The following FRY variants were observed in gnomAD, a reference collection of about 807,000 sequenced individuals.
The protein encoded by FRY is protein furry homolog.
Under a neutral mutation model 348.4 loss-of-function variants are expected in FRY, and 128 were observed. The ratio of observed to expected loss-of-function variants is 0.37; its 90% CI spans 0.32 to 0.43. FRY has a LOEUF of 0.43. Ranked by LOEUF, FRY falls within the 20% of genes least tolerant of loss-of-function variation. FRY has a pLI of 1.00. For missense variants in FRY, 2,736 were observed against 3,695.2 expected (o/e 0.74, Z 6.73); for synonymous variants, 1,370 against 1,374.7 (o/e 1.00, Z 0.08).
chr13:32,139,750 C>T (rs750788696), intron 11 of FRY, among the ~76,000 whole-genome samples: 11 of 152,098 alleles, frequency 7.2e-5, no homozygotes, highest in Non-Finnish European at 1.3e-4. Flanking sequence ...ACTCTTGGTC[C>T]GTGGTGACCA....
At chr13:32,082,786 T>G (rs2138547632) in intron 2 of FRY, among the ~76,000 whole-genome samples, 1 of 152,360 alleles carries the variant, frequency 6.6e-6, no homozygotes, top group South Asian at 2.1e-4. Flanking sequence ...TGTGTTGCCT[T>G]ATCATTGCTG....
chr13:32,156,333 C>T (rs996930206), intron 15 of FRY, among the ~76,000 whole-genome samples: 8 of 152,120 alleles, frequency 5.3e-5, no homozygotes, highest in African/African-American at 1.9e-4. Flanking sequence ...ATAGGTTGGG[C>T]GCAGTGGCTC....
chr13:32,204,318 CAGATG>C (rs1160887), intron 31 of FRY, among the ~76,000 whole-genome samples: 61,465 of 151,660 alleles, frequency 0.41, 12,590 homozygotes, highest in Admixed American at 0.42. Context: ...CATTGTTTTA[CAGATG>C]AGATGAGAAA....
At chr13:32,043,708 CA>C (rs1351754465) in intron 1 of FRY, among the ~76,000 whole-genome samples, 1 of 152,172 alleles carries the variant, frequency 6.6e-6, no homozygotes, top group Non-Finnish European at 1.5e-5. Flanking sequence ...TGTCAAAAAG[CA>C]GCGGCAAAGT....
At chr13:32,076,445 C>T (rs999905651) in intron 1 of FRY, among the ~76,000 whole-genome samples, 3 of 152,186 alleles carry the variant, frequency 2.0e-5, no homozygotes, top group African/African-American at 7.2e-5. Flanking sequence ...CCTACTTCCA[C>T]AAGGTGCCTG....
At chr13:32,060,163 A>C (rs1468279692) in intron 1 of FRY, among the ~76,000 whole-genome samples, 1 of 152,240 alleles carries the variant, frequency 6.6e-6, no homozygotes, top group Non-Finnish European at 1.5e-5. Flanking sequence ...ATAAATTTTC[A>C]CTGACCCTCA....
intron 1 of FRY, among the ~76,000 whole-genome samples, chr13:32,036,650 G>C (rs1034771061): frequency 6.6e-6 from 1 of 151,908 alleles, no homozygotes; most frequent in Non-Finnish European, 1.5e-5. Flanking sequence ...GGTGCAAACC[G>C]GGACTGCCCT....
chr13:32,086,589 C>T (rs569653515), intron 2 of FRY, among the ~76,000 whole-genome samples: 1 of 152,028 alleles, frequency 6.6e-6, no homozygotes, highest in South Asian at 2.1e-4. Flanking sequence ...GCCAGGAATT[C>T]CATCTGGATC....
At chr13:32,061,962 G>A (rs941532379) in intron 1 of FRY, among the ~76,000 whole-genome samples, 1 of 151,972 alleles carries the variant, frequency 6.6e-6, no homozygotes, top group African/African-American at 2.4e-5. Flanking sequence ...AGTGGTAAAG[G>A]CACAACATAT....
chr13:32,176,561 A>G (rs1316175626), intron 20 of FRY, among the ~76,000 whole-genome samples: 2 of 152,238 alleles, frequency 1.3e-5, no homozygotes, highest in Non-Finnish European at 2.9e-5. Context: ...CAGGTACTGC[A>G]GACCTTAACA....
chr13:32,109,388 A>T (rs2138663467), intron 3 of FRY, among the ~76,000 whole-genome samples: 1 of 152,304 alleles, frequency 6.6e-6, no homozygotes, highest in South Asian at 2.1e-4. Context: ...TAAACGCTAT[A>T]ATAGAGGTTG....
chr13:32,067,164 T>C (rs540050560), intron 1 of FRY, among the ~76,000 whole-genome samples: 2 of 152,294 alleles, frequency 1.3e-5, no homozygotes, highest in East Asian at 3.9e-4. Flanking sequence ...GATGCCTCTC[T>C]GTACCTGCCA....
intron 1 of FRY, among the ~76,000 whole-genome samples, chr13:32,043,564 C>T (rs1330133703): frequency 6.6e-6 from 1 of 152,122 alleles, no homozygotes; most frequent in Non-Finnish European, 1.5e-5. Flanking sequence ...CTAGGATAAA[C>T]ACTATATTAT....
chr13:32,051,211 T>C (rs749491756), intron 1 of FRY, among the ~76,000 whole-genome samples: 3 of 152,166 alleles, frequency 2.0e-5, no homozygotes, highest in African/African-American at 4.8e-5. Context: ...TTCCCTTTTA[T>C]TTGGTTAAGG....
chr13:32,162,355 A>G (rs1593683624), intron 17 of FRY, among the ~76,000 whole-genome samples: 1 of 152,104 alleles, frequency 6.6e-6, no homozygotes, highest in South Asian at 2.1e-4. Flanking sequence ...TTTCCCATCA[A>G]TATTCAAATA....
chr13:32,140,625 T>C (rs1291723898), intron 11 of FRY, among the ~76,000 whole-genome samples: 2 of 151,996 alleles, frequency 1.3e-5, no homozygotes, highest in Non-Finnish European at 2.9e-5. Context: ...ATAACTACTC[T>C]AAAGAAAACC....
At chr13:32,090,099 A>G (rs1401960153) in intron 2 of FRY, among the ~76,000 whole-genome samples, 2 of 152,016 alleles carry the variant, frequency 1.3e-5, no homozygotes, top group East Asian at 3.9e-4. Context: ...CTGTAATCCC[A>G]GCACTTTGGG....
rs748833123 is a variant in FRY, at chr13:32,298,604, T to G, written c.*3144T>G. ...CTACGTTGGGTGATGATTAGTGCCATGAAGAACAAAACGGATACAGTGAGT... is the reference window on the plus strand; with the variant it reads ...CTACGTTGGGTGATGATTAGTGCCAGGAAGAACAAAACGGATACAGTGAGT... On this transcript the variant is annotated 3_prime_UTR_variant, in exon 61 of 61. Coordinates refer to ENST00000542859, the MANE Select transcript of FRY (RefSeq NM_023037.3). 3.3e-5 allele frequency: 5 copies of G among 152,198 alleles called. No individual in the cohort carries two copies. Among genetic ancestry groups the G allele is most frequent in the Non-Finnish European group, 7.3e-5 (5 of 68,038 alleles). The allele number at this position is 152,198 out of a possible 1,614,324, so 9.4% of individuals were successfully genotyped here.
At chr13:32,100,900 G>A (rs1187616545) in intron 2 of FRY, among the ~76,000 whole-genome samples, 1 of 152,138 alleles carries the variant, frequency 6.6e-6, no homozygotes, top group Non-Finnish European at 1.5e-5. Flanking sequence ...CCACTCAGGA[G>A]GGTTCTGCCC....
Sources: gnomAD v4.1 joint callset for allele counts (sites outside exome capture counted in the v4.1 genomes callset) on GRCh38, gnomAD v4.1.1 for gene constraint, MANE v1.5 for transcripts, NCBI Gene and HGNC (gene_info 2026-07-23, HGNC 2026-07-21) for gene names.